The following MSRB3 variants were observed in gnomAD, a reference collection of about 807,000 sequenced individuals.
MSRB3 encodes the protein methionine sulfoxide reductase B3.
Under a neutral mutation model 21.0 loss-of-function variants are expected in MSRB3, and 13 were observed. The observed-to-expected ratio is 0.62, with a 90% CI of 0.40 to 0.98. The LOEUF is 0.98. Among genes scored for constraint, MSRB3 ranks in the 50% least tolerant of loss-of-function variants. The pLI is 0.00. For synonymous variants in MSRB3, 87 were observed against 88.6 expected (o/e 0.98, Z 0.10); for missense variants, 199 against 230.3 (o/e 0.86, Z 0.88).
At chr12:65,337,682 AT>A (rs1360101068) in intron 4 of MSRB3, among the ~76,000 whole-genome samples, 2 of 152,316 alleles carry the variant, frequency 1.3e-5, no homozygotes, top group East Asian at 3.9e-4. Context: ...ACAGTAAGCC[AT>A]AAACAGCATG....
chr12:65,419,771 G>C lies in MSRB3; in HGVS notation c.293-33957G>C, dbSNP rs1043357959. ...GCCAGGCGGTCTTCAGGCTTTGCATGGTCTCCTTCTCATTCTGGATGCCTC... is the reference window on the plus strand; with the variant it reads ...GCCAGGCGGTCTTCAGGCTTTGCATCGTCTCCTTCTCATTCTGGATGCCTC... On this transcript the variant is annotated intron_variant, in intron 5 of 6. Coordinates refer to ENST00000308259, the MANE Select transcript of MSRB3 (RefSeq NM_001031679.3). The C allele has an allele frequency of 1.1e-5, 12 of 1,067,802 alleles. No homozygotes were observed. In the African/African-American group the frequency reaches 1.7e-4, roughly 15 times the overall value. The allele number at this position is 1,067,802 out of a possible 1,614,324, so 66.1% of individuals were successfully genotyped here.
At chr12:65,439,025 T>C (rs976089166) in intron 5 of MSRB3, among the ~76,000 whole-genome samples, 11 of 151,828 alleles carry the variant, frequency 7.2e-5, no homozygotes, top group Admixed American at 1.3e-4. Context: ...TTGTCAGAGA[T>C]TGAGTTAAGT....
chr12:65,332,720 C>T (rs1875510816), intron 4 of MSRB3, among the ~76,000 whole-genome samples: 3 of 152,138 alleles, frequency 2.0e-5, no homozygotes, highest in South Asian at 2.1e-4. Context: ...CATGCATATA[C>T]GAGCATAATC....
intron 6 of MSRB3, 53 bp downstream of exon 6, chr12:65,453,878 G>C (rs558604792): frequency 6.8e-7 from 1 of 1,462,896 alleles, no homozygotes; most frequent in Non-Finnish European, 9.6e-7. Flanking sequence ...ACTCCTGGTT[G>C]TGCTAAATAT....
rs962131282 is a variant in MSRB3 at position 65,466,366 on chromosome 12, G to C, written c.*3044G>C. On this transcript the variant is annotated 3_prime_UTR_variant, in exon 7 of 7. Transcript: ENST00000308259. ...CAATAATGTCAGCTGTCAAGCACTA[G>C]ATTTATTTTTGCAGGATATGGAGTG... 6.6e-6 allele frequency: 1 copy of C among 152,190 alleles called. No individual in the cohort carries two copies. The allele number at this position is 152,190 out of a possible 1,614,324, so 9.4% of individuals were successfully genotyped here.
intron 5 of MSRB3, chr12:65,419,475 G>C: frequency 1.3e-6 from 1 of 743,520 alleles, no homozygotes; most frequent in Non-Finnish European, 2.5e-6. Context: ...AGAGCCCATA[G>C]ATGTCGCTCT....
intron 4 of MSRB3, among the ~76,000 whole-genome samples, chr12:65,355,751 C>G (rs1232025343): frequency 1.3e-5 from 2 of 151,712 alleles, no homozygotes; most frequent in East Asian, 3.9e-4. Flanking sequence ...TCTGGAAGAC[C>G]ACCCAGAAGT....
chr12:65,434,055 C>T (rs1882007817), intron 5 of MSRB3, among the ~76,000 whole-genome samples: 2 of 151,954 alleles, frequency 1.3e-5, no homozygotes, highest in Non-Finnish European at 2.9e-5. Context: ...GCAGTCTTTT[C>T]TGGAATCTTT....
chr12:65,372,050 T>C (rs921930824), intron 5 of MSRB3, among the ~76,000 whole-genome samples: 21 of 152,312 alleles, frequency 1.4e-4, no homozygotes, highest in African/African-American at 5.0e-4. Flanking sequence ...TAAAGCAAAA[T>C]ACATACATTT....
chr12:65,463,010 T>C (rs1343607444), intron 6 of MSRB3, 145 bp from the exon 7 acceptor site: 1 of 988,060 alleles, frequency 1.0e-6, no homozygotes, highest in Non-Finnish European at 1.6e-6. Flanking sequence ...TCTTTGCGGC[T>C]ATTGACAGGC....
rs202063557 is a variant in MSRB3 at position 65,384,820 on chromosome 12, G to T, written c.292+15794G>T. 2.0e-5 allele frequency among the ~76,000 whole-genome samples: 3 copies of T among 152,228 alleles called. No individual in the cohort carries two copies. In the East Asian group the frequency reaches 5.8e-4, roughly 29 times the overall value. Reference sequence around the variant, plus strand: ...TTCAATTAGGGTAACACTTCAGTCAGTGTGTAATTTTTTAAAATTTATTCT... The same window carrying T: ...TTCAATTAGGGTAACACTTCAGTCATTGTGTAATTTTTTAAAATTTATTCT... On this transcript the variant is annotated intron_variant, in intron 5 of 6. Transcript: ENST00000308259.
chr12:65,436,796 C>G (rs542294662), intron 5 of MSRB3, among the ~76,000 whole-genome samples: 1 of 151,934 alleles, frequency 6.6e-6, no homozygotes, highest in South Asian at 2.1e-4. Context: ...CTCAACTTGT[C>G]AACTCTCTGA....
At chr12:65,369,106 C>T in intron 5 of MSRB3, 80 bp downstream of exon 5, 1 of 1,098,504 alleles carries the variant, frequency 9.1e-7, no homozygotes, top group Non-Finnish European at 1.4e-6. Context: ...AGATCAAGAA[C>T]CATTTTGATT....
chr12:65,358,819 A>AT (rs1260592854), intron 4 of MSRB3, among the ~76,000 whole-genome samples: 1 of 151,884 alleles, frequency 6.6e-6, no homozygotes, highest in Non-Finnish European at 1.5e-5. Context: ...GGTTATCCTT[A>AT]TATCTTTCAA....
chr12:65,279,047 G>T, intron 1 of MSRB3, 182 bp downstream of exon 1: 1 of 1,425,032 alleles, frequency 7.0e-7, no homozygotes. Context: ...CCCCGCGCCA[G>T]CGGTGAGGGG....
chr12:65,367,860 A>G (rs1185566092), intron 4 of MSRB3, among the ~76,000 whole-genome samples: 1 of 151,936 alleles, frequency 6.6e-6, no homozygotes, highest in Non-Finnish European at 1.5e-5. Flanking sequence ...TTACGTGTAC[A>G]TGTATATGTG....
intron 5 of MSRB3, among the ~76,000 whole-genome samples, chr12:65,426,510 A>G (rs1236015429): frequency 1.3e-5 from 2 of 152,108 alleles, no homozygotes; most frequent in African/African-American, 2.4e-5. Context: ...TGATTATAGT[A>G]TGTCTTGCTG....
chr12:65,324,397 A>G (rs1013548697), intron 2 of MSRB3, among the ~76,000 whole-genome samples: 1 of 152,244 alleles, frequency 6.6e-6, no homozygotes, highest in African/African-American at 2.4e-5. Context: ...AGGTCTCTGT[A>G]GCACAGTTAA....
chr12:65,333,611 G>T (rs973893274), intron 4 of MSRB3, among the ~76,000 whole-genome samples: 1 of 152,206 alleles, frequency 6.6e-6, no homozygotes, highest in African/African-American at 2.4e-5. Context: ...GGATGCCAGA[G>T]AAGGCATCTA....
Sources: allele counts gnomAD v4.1 joint callset (sites outside exome capture counted in the v4.1 genomes callset), GRCh38; gene constraint gnomAD v4.1.1; transcripts MANE v1.5; gene names NCBI Gene and HGNC (gene_info 2026-07-23, HGNC 2026-07-21).